Variants in KCNIP4 observed in about 807,000 individuals in gnomAD.
KCNIP4 encodes the protein Kv channel-interacting protein 4.
In KCNIP4, 12 loss-of-function variants were observed where a neutral mutation model predicts 34.0. That is an observed-to-expected ratio of 0.35 (90% CI 0.23 to 0.57). KCNIP4 has a LOEUF of 0.57. KCNIP4 is among the 20% of genes least tolerant of loss of function. The pLI is 0.83. For missense variants in KCNIP4, 238 were observed against 311.7 expected, an observed-to-expected ratio of 0.76 and a Z score of 1.78; for synonymous variants, 124 against 102.2, an observed-to-expected ratio of 1.21 and a Z score of -1.29.
chr4:21,466,737 G>A (rs991912309), intron 1 of KCNIP4, among the ~76,000 whole-genome samples: 2 of 151,954 alleles, frequency 1.3e-5, no homozygotes, highest in Admixed American at 6.6e-5. Context: ...TCTCCTAATG[G>A]GGCTGTCATG....
chr4:20,760,884 T>C (rs1206263795), intron 3 of KCNIP4, among the ~76,000 whole-genome samples: 1 of 152,202 alleles, frequency 6.6e-6, no homozygotes, highest in Non-Finnish European at 1.5e-5. Context: ...GTTGATTTTA[T>C]GTGTTTAACT....
chr4:21,024,469 C>T (rs978038518), intron 1 of KCNIP4, among the ~76,000 whole-genome samples: 2 of 152,198 alleles, frequency 1.3e-5, no homozygotes, highest in African/African-American at 2.4e-5. Flanking sequence ...AACCTTGAAT[C>T]GTACTTATAG....
At position 20,986,363 on chromosome 4, in the gene KCNIP4, C is replaced by A. The variant is rs111927155; in HGVS notation, c.62-103654G>T. ...AATCACCCATCCATCCAAACATTTT[C>A]TTCTCCATTATATCAGCAAGCCTGT... On this transcript the variant is annotated intron_variant, in intron 1 of 8. Coordinates refer to ENST00000382152, the MANE Select transcript of KCNIP4 (RefSeq NM_025221.6). 7.2e-5 allele frequency among the ~76,000 whole-genome samples: 11 copies of A among 152,276 alleles called. 2 individuals are homozygous for A. The highest frequency in any genetic ancestry group is 2.6e-4 in the African/African-American group (11 of 41,556).
intron 1 of KCNIP4, among the ~76,000 whole-genome samples, chr4:21,106,953 G>T (rs1748603493): frequency 6.6e-6 from 1 of 150,752 alleles, no homozygotes; most frequent in Non-Finnish European, 1.5e-5. Flanking sequence ...TTGCACTGTG[G>T]TCTGAGAGAC....
chr4:21,221,531 C>T (rs572024485), intron 1 of KCNIP4, among the ~76,000 whole-genome samples: 1 of 152,128 alleles, frequency 6.6e-6, no homozygotes, highest in Non-Finnish European at 1.5e-5. Flanking sequence ...ACTATCAGAT[C>T]TTGTGAGAAC....
At chr4:21,226,078 C>G (rs534270132) in intron 1 of KCNIP4, among the ~76,000 whole-genome samples, 2 of 151,758 alleles carry the variant, frequency 1.3e-5, no homozygotes, top group Admixed American at 6.6e-5. Context: ...AAGGCAGATA[C>G]TGTGATTGCC....
chr4:20,958,227 A>C (rs954953788), intron 1 of KCNIP4, among the ~76,000 whole-genome samples: 2 of 152,226 alleles, frequency 1.3e-5, no homozygotes, highest in Non-Finnish European at 2.9e-5. Flanking sequence ...CAGAGGATGC[A>C]GTAGGCAAAG....
chr4:21,729,302 T>C (rs1715419443), intron 1 of KCNIP4, among the ~76,000 whole-genome samples: 2 of 152,200 alleles, frequency 1.3e-5, no homozygotes, highest in African/African-American at 4.8e-5. Flanking sequence ...AGAAACACTT[T>C]TGCATTCAGT....
rs184383102 is a variant in KCNIP4, at chr4:20,961,066, T to C, written c.62-78357A>G. Among the ~76,000 whole-genome samples the C allele has an allele frequency of 9.2e-5, 14 of 152,298 alleles. No individual in the cohort carries two copies. In the East Asian group the frequency reaches 2.7e-3, roughly 29 times the overall value. The stretch of plus-strand genomic sequence containing the variant: ...CTGAATACTGAGGGATATTTTCCTA[T>C]TGCTTTTCCACTTCATAATTAAATA... On this transcript the variant is annotated intron_variant, in intron 1 of 8. Coordinates refer to ENST00000382152, the MANE Select transcript of KCNIP4 (RefSeq NM_025221.6).
At chr4:20,893,290 G>A (rs1577326395) in intron 1 of KCNIP4, among the ~76,000 whole-genome samples, 1 of 152,124 alleles carries the variant, frequency 6.6e-6, no homozygotes. Context: ...ATGTTTTTGT[G>A]AGCACATTAA....
In KCNIP4 at chr4:21,663,945, TTTTG is replaced by T. The variant is rs539889581; in HGVS notation, c.61+284622_61+284625del. ...ACTTAGGTTTTTTTGTTTGCTTTTG[TTTTG>T]TTTCTTTTTTTTTGAGACAGAGTCT... On this transcript the variant is annotated intron_variant, in intron 1 of 8. Transcript: ENST00000382152. 2.4e-3 allele frequency among the ~76,000 whole-genome samples: 369 copies of T among 152,246 alleles called. 3 individuals carry two copies. Among genetic ancestry groups the T allele is most frequent in the African/African-American group, 8.6e-3 (357 of 41,542 alleles).
intron 1 of KCNIP4, among the ~76,000 whole-genome samples, chr4:21,020,733 T>C (rs1173509608): frequency 1.3e-5 from 2 of 152,204 alleles, no homozygotes; most frequent in Non-Finnish European, 2.9e-5. Flanking sequence ...TTGGAACTAT[T>C]ATCATGATTC....
chr4:21,458,627 T>C (rs912520379), intron 1 of KCNIP4, among the ~76,000 whole-genome samples: 1 of 152,000 alleles, frequency 6.6e-6, no homozygotes, highest in African/African-American at 2.4e-5. Flanking sequence ...ATGACAGGTC[T>C]CACATTAACT....
chr4:21,920,119 T>A (rs1463176252), intron 1 of KCNIP4, among the ~76,000 whole-genome samples: 1 of 152,154 alleles, frequency 6.6e-6, no homozygotes, highest in African/African-American at 2.4e-5. Flanking sequence ...CAAAGTATTA[T>A]CTTTTCTTTA....
intron 1 of KCNIP4, among the ~76,000 whole-genome samples, chr4:21,238,235 T>C (rs1222762075): frequency 6.6e-6 from 1 of 152,102 alleles, no homozygotes; most frequent in Non-Finnish European, 1.5e-5. Flanking sequence ...TATCTCAAAA[T>C]AATAAGAGCT....
chr4:21,937,473 C>T (rs1003563903), intron 1 of KCNIP4, among the ~76,000 whole-genome samples: 1 of 152,074 alleles, frequency 6.6e-6, no homozygotes, highest in African/African-American at 2.4e-5. Flanking sequence ...TCCTACACAG[C>T]TATGCAAAAT....
At chr4:21,149,180 G>A (rs775870216) in intron 1 of KCNIP4, among the ~76,000 whole-genome samples, 3 of 152,060 alleles carry the variant, frequency 2.0e-5, no homozygotes, top group Admixed American at 1.3e-4. Context: ...AATTAGAGAG[G>A]GTTTTATAGT....
At chr4:21,629,640 A>T (rs1745574592) in intron 1 of KCNIP4, among the ~76,000 whole-genome samples, 2 of 152,174 alleles carry the variant, frequency 1.3e-5, no homozygotes, top group Admixed American at 6.6e-5. Flanking sequence ...TGATGTCACC[A>T]TCACGAAGCT....
chr4:21,828,112 A>G (rs116309180), intron 1 of KCNIP4, among the ~76,000 whole-genome samples: 314 of 151,592 alleles, frequency 2.1e-3, no homozygotes, highest in African/African-American at 7.0e-3. Context: ...ATAGTATGAG[A>G]AAATAAAGTA....
Sources: allele counts gnomAD v4.1 joint callset (sites outside exome capture counted in the v4.1 genomes callset), GRCh38; gene constraint gnomAD v4.1.1; transcripts MANE v1.5; gene names NCBI Gene and HGNC (gene_info 2026-07-23, HGNC 2026-07-21).